Variants in RPL9 observed in about 807,000 individuals in gnomAD.
The protein encoded by RPL9 is large ribosomal subunit protein uL6.
For missense variants in RPL9, 149 were observed against 236.7 expected (o/e 0.63, Z 2.43); for synonymous variants, 82 against 77.1 (o/e 1.06, Z -0.33).
At chr4:39,455,046 G>C in intron 5 of RPL9, 102 bp from the exon 6 acceptor site, 4 of 1,203,700 alleles carry the variant, frequency 3.3e-6, no homozygotes, top group Non-Finnish European at 3.5e-6. Context: ...TGCACCAAAA[G>C]AACCTTTTCT....
intron 3 of RPL9, 169 bp from the exon 4 acceptor site, chr4:39,457,850 A>G: frequency 1.5e-6 from 1 of 652,304 alleles, no homozygotes; most frequent in Non-Finnish European, 2.7e-6. Flanking sequence ...TAAGCTTTGT[A>G]GAAGTTGCAA....
At chr4:39,458,145 T>C in intron 3 of RPL9, 49 bp downstream of exon 3, 1 of 1,583,410 alleles carries the variant, frequency 6.3e-7, no homozygotes, top group Admixed American at 1.7e-5. Flanking sequence ...GATGCTGTTA[T>C]AAACCACCTT....
rs902284502 is a variant in RPL9 at position 39,456,674 on chromosome 4, C to A, written c.259-136G>T. The A allele has an allele frequency of 4.5e-5, 42 of 937,916 alleles. No homozygotes were observed. The Middle Eastern group carries it at 7.5e-4, about 17-fold the overall frequency. 58.1% of individuals were successfully genotyped at this position (937,916 alleles called of 1,614,324 possible). A position where few individuals can be genotyped will look rare whatever the true frequency, so the allele number is the denominator to read the frequency against. On this transcript the variant is annotated intron_variant, in intron 4 of 7. Coordinates refer to ENST00000295955, the MANE Select transcript of RPL9 (RefSeq NM_000661.5). Reference sequence around the variant, plus strand: ...GATTTTCTAATAACTGTCACCTGAACCAAGCCTTATAAACATTGTTCTGTC... The same window carrying A: ...GATTTTCTAATAACTGTCACCTGAAACAAGCCTTATAAACATTGTTCTGTC...
At chr4:39,458,071 G>A (rs1486020922) in intron 3 of RPL9, 123 bp downstream of exon 3, 4 of 956,546 alleles carry the variant, frequency 4.2e-6, no homozygotes, top group African/African-American at 1.6e-5. Flanking sequence ...TGGTATTCTG[G>A]ACAGCAACAT....
chr4:39,457,677 C>G lies in RPL9; in HGVS notation c.167G>C (p.Arg56Pro). ...TCTGTTACCCCACCATTTGTCAACCCGGAGCTGTAACAGAACAAAAAATGT... is the reference window on the plus strand; with the variant it reads ...TCTGTTACCCCACCATTTGTCAACCGGGAGCTGTAACAGAACAAAAAATGT... ...SLLGKKKKRL[R>P]VDKWWGNRKE... The change falls in exon 4 of 8, where the codon CGG becomes CCG. Residue 56 changes from arginine to proline, a missense_variant. By Grantham distance (103) the Arg-to-Pro change is moderately radical (BLOSUM62 -2). Transcript: ENST00000295955. 6.2e-7 allele frequency: 1 copy of G among 1,613,920 alleles called. No homozygotes were observed.
Position 39,454,619 on chromosome 4 carries a change from T to G in RPL9, c.503A>C (p.Lys168Thr). The stretch of plus-strand genomic sequence containing the variant: ...CAAAAATTTCCTGATATCCTTGTTT[T>G]TAACTGTTGTGGCTTGCTGAATCAA... ...AALIQQATTV[K>T]NKDIRKFLDG... The change falls in exon 7 of 8, where the codon AAA (lysine) becomes ACA (threonine). Residue 168 changes from lysine to threonine, a missense_variant. Lys to Thr is a moderately conservative substitution (Grantham distance 78). Coordinates refer to ENST00000295955, the MANE Select transcript of RPL9 (RefSeq NM_000661.5). The G allele has an allele frequency of 6.2e-7, 1 of 1,613,362 alleles. No individual in the cohort carries two copies. Among genetic ancestry groups the G allele is most frequent in the South Asian group, 1.1e-5 (1 of 91,010 alleles).
rs147466054 is a variant in RPL9 at position 39,458,242 on chromosome 4, G to T, written c.114C>A (p.Phe38Leu). 19 of 1,614,052 alleles carry T rather than the reference G, an allele frequency of 1.2e-5. No homozygotes were observed. The highest frequency in any genetic ancestry group is 1.6e-5 in the Non-Finnish European group (19 of 1,180,004). ...GGCTGAGTTCTACATTGATGTGATT[G>T]AAGTCCCTCCGCAGGGTTCCTCTGG... ...KGPRGTLRRD[F>L]NHINVELSLL... is the part of the protein sequence containing the mutation. Residue 38 changes from phenylalanine to leucine, a missense_variant, in exon 3 of 8, where the codon TTC becomes TTA. Transcript: ENST00000295955.
intron 4 of RPL9, chr4:39,456,791 C>G (rs1429657121): frequency 7.0e-6 from 3 of 425,560 alleles, no homozygotes; most frequent in African/African-American, 4.0e-5. Context: ...TAATGAGAAC[C>G]CCAAAGCCCT....
intron 4 of RPL9, 22 bp downstream of exon 4, chr4:39,457,564 G>T (rs1303564339): frequency 6.3e-6 from 10 of 1,589,460 alleles, no homozygotes; most frequent in Non-Finnish European, 8.6e-6. Context: ...CCAAAACAAG[G>T]AAGTCTGATA....
Position 39,454,846 on chromosome 4 carries a change from CAT to C in RPL9, c.472+16_472+17del, listed in dbSNP as rs766950480. 1 of 1,609,734 alleles carries C rather than the reference CAT, an allele frequency of 6.2e-7. No individual in the cohort carries two copies. Among genetic ancestry groups the C allele is most frequent in the Non-Finnish European group, 8.5e-7 (1 of 1,177,032 alleles). The stretch of plus-strand genomic sequence containing the variant: ...ACAAAATCTTGTAGGCATAGTTAGA[CAT>C]AGTAAACATACAAACCTGAATTTGA... On this transcript the variant is annotated intron_variant, in intron 6 of 7. Coordinates refer to ENST00000295955, the MANE Select transcript of RPL9 (RefSeq NM_000661.5).
At chr4:39,458,472 G>GC in intron 1 of RPL9, 32 bp from the exon 2 acceptor site, 1 of 1,611,096 alleles carries the variant, frequency 6.2e-7, no homozygotes, top group Admixed American at 1.7e-5. Context: ...TGAGGCCGAC[G>GC]CAAGGCCCGT....
chr4:39,457,613 T>C lies in RPL9; in HGVS notation c.231A>G (p.Val77=), dbSNP rs143099195. The C allele has an allele frequency of 2.4e-5, 38 of 1,613,836 alleles. No homozygotes were observed. In the African/African-American group the frequency reaches 2.9e-4, roughly 12 times the overall value. ...GTGTAACACCCTTGATCATGTTCTG[T>C]ACATGACTACAAATAGTCCGAACGG... is the stretch of plus-strand genomic sequence containing the variant. The part of the protein sequence containing the change: ...LATVRTICSH[V]QNMIKGVTLG... Residue 77 remains valine (V), a synonymous_variant, in exon 4 of 8, where the codon GTA becomes GTG. Coordinates refer to ENST00000295955, the MANE Select transcript of RPL9 (RefSeq NM_000661.5).
intron 1 of RPL9, 164 bp downstream of exon 1, chr4:39,458,727 G>C: frequency 1.5e-6 from 1 of 649,608 alleles, no homozygotes; most frequent in Non-Finnish European, 2.8e-6. Context: ...AGGCCAAAAA[G>C]CCCACAACAG....
intron 3 of RPL9, 88 bp from the exon 4 acceptor site, chr4:39,457,769 G>A (rs1490417577): frequency 1.8e-6 from 2 of 1,115,762 alleles, no homozygotes. Context: ...TAAGATTCTA[G>A]AATTAACCCT....
At chr4:39,458,581 GC>G (rs2109860839) in intron 1 of RPL9, 141 bp from the exon 2 acceptor site, 1 of 838,234 alleles carries the variant, frequency 1.2e-6, no homozygotes, top group Non-Finnish European at 1.9e-6. Flanking sequence ...CCGACAGCGG[GC>G]CCCAGTGTGT....
At chr4:39,458,501 C>A in intron 1 of RPL9, 61 bp from the exon 2 acceptor site, 1 of 1,558,212 alleles carries the variant, frequency 6.4e-7, no homozygotes, top group Non-Finnish European at 8.8e-7. Context: ...CAAACTACGC[C>A]GCACAGAGCT....
At chr4:39,455,082 G>C (rs1282415851) in intron 5 of RPL9, 138 bp from the exon 6 acceptor site, 2 of 819,046 alleles carry the variant, frequency 2.4e-6, no homozygotes, top group Admixed American at 2.9e-5. Context: ...GGGCACAGTG[G>C]CTCACGCCTG....
At chr4:39,458,117 G>C (rs752247836) in intron 3 of RPL9, 77 bp downstream of exon 3, 1 of 1,429,342 alleles carries the variant, frequency 7.0e-7, no homozygotes, top group South Asian at 1.2e-5. Context: ...TTCGAAAATT[G>C]TTAAAGCAAC....
At chr4:39,457,805 G>GA in intron 3 of RPL9, 124 bp from the exon 4 acceptor site, 1 of 853,954 alleles carries the variant, frequency 1.2e-6, no homozygotes, top group Non-Finnish European at 1.9e-6. Flanking sequence ...TTTTCAACTG[G>GA]AAAAATCCAA....
Sources: gnomAD v4.1 joint callset for allele counts on GRCh38, gnomAD v4.1.1 for gene constraint, MANE v1.5 for transcripts, NCBI Gene and HGNC (gene_info 2026-07-23, HGNC 2026-07-21) for gene names.